SOX6: variants seen among roughly 807,000 people sequenced by gnomAD.
SOX6 encodes the protein transcription factor SOX-6.
Under a neutral mutation model 97.8 loss-of-function variants are expected in SOX6, and 11 were observed. The observed-to-expected ratio is 0.11, with a 90% CI of 0.07 to 0.19. SOX6 has a LOEUF of 0.19. SOX6 is among the 10% of genes least tolerant of loss of function. The pLI, the probability that SOX6 is intolerant of heterozygous loss-of-function variation, is 1.00. For synonymous variants in SOX6, 360 were observed against 371.4 expected, an observed-to-expected ratio of 0.97 and a Z score of 0.35; for missense variants, 810 against 1,039.5, an observed-to-expected ratio of 0.78 and a Z score of 3.04.
At chr11:16,165,897 CAA>C (rs376656488) in intron 6 of SOX6, among the ~76,000 whole-genome samples, 13 of 118,406 alleles carry the variant, frequency 1.1e-4, no homozygotes, top group Non-Finnish European at 1.1e-4. Flanking sequence ...GACTCTGTCT[CAA>C]AAAAAAAAAA....
chr11:16,722,076 A>T (rs1283880874), intron 2 of SOX6, among the ~76,000 whole-genome samples: 1 of 152,074 alleles, frequency 6.6e-6, no homozygotes, highest in East Asian at 1.9e-4. Flanking sequence ...AACTATAAAA[A>T]CCCTGAAAGA....
intron 12 of SOX6, among the ~76,000 whole-genome samples, chr11:16,024,433 A>G (rs2133875460): frequency 6.6e-6 from 1 of 151,554 alleles, no homozygotes; most frequent in South Asian, 2.1e-4. Flanking sequence ...AGGTCCTATT[A>G]GCCTCACAAA....
chr11:16,560,714 A>G (rs1340233946), intron 4 of SOX6, among the ~76,000 whole-genome samples: 1 of 152,186 alleles, frequency 6.6e-6, no homozygotes, highest in East Asian at 1.9e-4. Context: ...GGATGAAAGG[A>G]CAGTATGAAT....
At chr11:16,176,865 G>A (rs1462869816) in intron 6 of SOX6, among the ~76,000 whole-genome samples, 1 of 151,888 alleles carries the variant, frequency 6.6e-6, no homozygotes, top group African/African-American at 2.4e-5. Context: ...AGAAACCTGG[G>A]TTCCCCTTGT....
intron 1 of SOX6, among the ~76,000 whole-genome samples, chr11:16,344,753 GACTTT>G (rs936192406): frequency 1.3e-5 from 2 of 151,682 alleles, no homozygotes; most frequent in African/African-American, 2.4e-5. Flanking sequence ...ATTTCGATGT[GACTTT>G]ACTTTGTTTT....
chr11:16,125,875 GA>G (rs369032094), intron 6 of SOX6, among the ~76,000 whole-genome samples: 7 of 149,626 alleles, frequency 4.7e-5, no homozygotes, highest in African/African-American at 1.7e-4. Context: ...AGGAAGGAAG[GA>G]AAGTTTATTT....
At chr11:16,070,173 A>G (rs1848191472) in intron 9 of SOX6, among the ~76,000 whole-genome samples, 1 of 152,096 alleles carries the variant, frequency 6.6e-6, no homozygotes, top group Admixed American at 6.5e-5. Flanking sequence ...AAATAAATAA[A>G]TAATAAAAAT....
At chr11:16,505,791 A>G (rs1400211174) in intron 4 of SOX6, among the ~76,000 whole-genome samples, 1 of 152,198 alleles carries the variant, frequency 6.6e-6, no homozygotes, top group Non-Finnish European at 1.5e-5. Flanking sequence ...AGCTCCAGCC[A>G]TGGCTAAAAA....
intron 6 of SOX6, among the ~76,000 whole-genome samples, chr11:16,121,506 T>C (rs1286432343): frequency 6.6e-6 from 1 of 152,028 alleles, no homozygotes; most frequent in Non-Finnish European, 1.5e-5. Context: ...AGCCTTGTTT[T>C]TTCAGGTAGT....
chr11:16,359,309 G>C (rs1408432547), upstream of SOX6, among the ~76,000 whole-genome samples: 1 of 152,078 alleles, frequency 6.6e-6, no homozygotes, highest in Non-Finnish European at 1.5e-5. Context: ...ACTATGGAGT[G>C]CATGGTGGGA....
intron 6 of SOX6, among the ~76,000 whole-genome samples, chr11:16,131,822 A>G (rs924912649): frequency 6.6e-6 from 1 of 152,122 alleles, no homozygotes; most frequent in African/African-American, 2.4e-5. Context: ...TCTAACAGAA[A>G]AGACTATTTA....
intron 4 of SOX6, among the ~76,000 whole-genome samples, chr11:16,560,085 T>G (rs911692795): frequency 9.2e-5 from 14 of 152,118 alleles, no homozygotes; most frequent in African/African-American, 3.1e-4. Context: ...AAAATGCAAA[T>G]CAAGTCCAAT....
At chr11:16,398,220 G>A (rs564799260) in intron 1 of SOX6, among the ~76,000 whole-genome samples, 26 of 151,632 alleles carry the variant, frequency 1.7e-4, no homozygotes, top group Non-Finnish European at 3.1e-4. Flanking sequence ...ACCTAAGAAG[G>A]ACTCCAACGC....
intron 1 of SOX6, among the ~76,000 whole-genome samples, chr11:16,391,387 C>A (rs1247360597): frequency 6.6e-6 from 1 of 152,118 alleles, no homozygotes; most frequent in African/African-American, 2.4e-5. Context: ...TGTTCCCATC[C>A]CTGATTTACC....
intron 6 of SOX6, among the ~76,000 whole-genome samples, chr11:16,162,033 C>G (rs1265072390): frequency 6.6e-6 from 1 of 152,144 alleles, no homozygotes; most frequent in East Asian, 1.9e-4. Context: ...TCAAGTCTTT[C>G]AATTTTTACA....
chr11:16,730,250 T>C (rs1377995051), intron 2 of SOX6, among the ~76,000 whole-genome samples: 1 of 152,120 alleles, frequency 6.6e-6, no homozygotes, highest in Non-Finnish European at 1.5e-5. Context: ...GCCGACCTAA[T>C]GGACATCTAC....
intron 3 of SOX6, among the ~76,000 whole-genome samples, chr11:16,243,572 A>G (rs1418208326): frequency 1.3e-5 from 2 of 151,930 alleles, no homozygotes; most frequent in Non-Finnish European, 2.9e-5. Context: ...ATATAAATTT[A>G]ATAAGTTTTG....
chr11:16,685,565 G>T (rs1033857356), intron 3 of SOX6, among the ~76,000 whole-genome samples: 2 of 152,254 alleles, frequency 1.3e-5, no homozygotes, highest in Non-Finnish European at 2.9e-5. Context: ...TGGCACACTA[G>T]TGCAAAAGGT....
intron 1 of SOX6, among the ~76,000 whole-genome samples, chr11:16,346,432 C>T (rs1288175865): frequency 1.3e-5 from 2 of 152,068 alleles, no homozygotes; most frequent in East Asian, 3.9e-4. Context: ...ATGGTACATC[C>T]TAATTCTAGA....
Sources: allele counts gnomAD v4.1 joint callset (sites outside exome capture counted in the v4.1 genomes callset), GRCh38; gene constraint gnomAD v4.1.1; transcripts MANE v1.5; gene names NCBI Gene and HGNC (gene_info 2026-07-23, HGNC 2026-07-21).